The following SYN3 variants were observed in gnomAD, a reference collection of about 807,000 sequenced individuals.
The protein encoded by SYN3 is synapsin-3.
SYN3 carries 35 observed loss-of-function variants against 65.8 expected under a neutral mutation model. The observed-to-expected ratio is 0.53, with a 90% CI of 0.41 to 0.70. SYN3 has a LOEUF of 0.70. Ranked by LOEUF, SYN3 falls within the 30% of genes least tolerant of loss-of-function variation. The pLI, the probability that SYN3 is intolerant of heterozygous loss-of-function variation, is 0.00. For synonymous variants in SYN3, 270 were observed against 292.9 expected, an observed-to-expected ratio of 0.92 and a Z score of 0.80; for missense variants, 680 against 749.0, an observed-to-expected ratio of 0.91 and a Z score of 1.08.
intron 6 of SYN3, among the ~76,000 whole-genome samples, chr22:32,809,742 A>T (rs1569241649): frequency 6.6e-6 from 1 of 152,252 alleles, no homozygotes; most frequent in Non-Finnish European, 1.5e-5. Flanking sequence ...TGGTGTTTTC[A>T]TAAGCCTGGG....
At chr22:32,864,881 C>A in intron 6 of SYN3, 34 bp downstream of exon 6, 1 of 1,571,604 alleles carries the variant, frequency 6.4e-7, no homozygotes, top group South Asian at 1.1e-5. Context: ...CATTCCGCAT[C>A]ATGCAAAGAA....
At chr22:32,626,752 A>G (rs1208399049) in intron 6 of SYN3, among the ~76,000 whole-genome samples, 2 of 152,228 alleles carry the variant, frequency 1.3e-5, no homozygotes, top group Admixed American at 6.5e-5. Context: ...TATGGAGGAC[A>G]CTGGGTGCCC....
chr22:32,865,495 G>A (rs1184495165), intron 5 of SYN3, among the ~76,000 whole-genome samples: 1 of 152,166 alleles, frequency 6.6e-6, no homozygotes, highest in Non-Finnish European at 1.5e-5. Context: ...TTCTTCACTC[G>A]TAAACTGGAG....
At chr22:32,898,907 C>T (rs1601648858) in intron 4 of SYN3, among the ~76,000 whole-genome samples, 1 of 152,272 alleles carries the variant, frequency 6.6e-6, no homozygotes. Context: ...CCGAGACCAT[C>T]CTAGCCAACA....
intron 4 of SYN3, among the ~76,000 whole-genome samples, chr22:32,895,682 G>A (rs1317825076): frequency 2.0e-5 from 3 of 152,122 alleles, no homozygotes; most frequent in Non-Finnish European, 2.9e-5. Context: ...CATTCCTGAC[G>A]CATGCAATTA....
intron 6 of SYN3, among the ~76,000 whole-genome samples, chr22:32,676,659 C>A (rs1278848860): frequency 6.6e-6 from 1 of 150,590 alleles, no homozygotes; most frequent in Admixed American, 6.6e-5. Flanking sequence ...GCCTTAGCCC[C>A]CCGAGTAGCT....
intron 6 of SYN3, among the ~76,000 whole-genome samples, chr22:32,679,048 CTTTTTTTT>C (rs145971116): frequency 1.2e-5 from 1 of 85,658 alleles, no homozygotes; most frequent in African/African-American, 5.0e-5. Context: ...TTGTTTCTTT[CTTTTTTTT>C]TTTTTTTTTT....
intron 6 of SYN3, among the ~76,000 whole-genome samples, chr22:32,642,196 G>T (rs2059910808): frequency 6.6e-6 from 1 of 151,818 alleles, no homozygotes; most frequent in South Asian, 2.1e-4. Context: ...GGCTGAGGCA[G>T]GAGAATCGCT....
chr22:32,604,752 T>C (rs540331249), intron 6 of SYN3, among the ~76,000 whole-genome samples: 8 of 152,286 alleles, frequency 5.3e-5, no homozygotes, highest in African/African-American at 1.7e-4. Context: ...ACGCCTGTAA[T>C]CCCAGCACTT....
At chr22:32,703,378 C>A (rs919329617) in intron 6 of SYN3, among the ~76,000 whole-genome samples, 5 of 152,108 alleles carry the variant, frequency 3.3e-5, no homozygotes, top group African/African-American at 1.2e-4. Flanking sequence ...GTGGCTCATG[C>A]CTGTAATCCC....
At chr22:32,603,356 C>CAAAAAAA (rs10670581) in intron 6 of SYN3, among the ~76,000 whole-genome samples, 40 of 125,964 alleles carry the variant, frequency 3.2e-4, no homozygotes, top group South Asian at 7.6e-4. Flanking sequence ...ACTAAAAATA[C>CAAAAAAA]AAAAAAAAAA....
intron 1 of SYN3, among the ~76,000 whole-genome samples, chr22:33,030,688 CAGAG>C (rs990932437): frequency 6.8e-6 from 1 of 147,664 alleles, no homozygotes; most frequent in African/African-American, 2.5e-5. Flanking sequence ...CAGAGAGAGA[CAGAG>C]AGATCAACAC....
At chr22:32,782,324 TC>T (rs1338190199) in intron 6 of SYN3, among the ~76,000 whole-genome samples, 7 of 152,088 alleles carry the variant, frequency 4.6e-5, no homozygotes, top group Non-Finnish European at 1.0e-4. Flanking sequence ...CACCTTGGCC[TC>T]CCAAAGTCCT....
At chr22:32,709,826 A>G (rs1025974484) in intron 6 of SYN3, among the ~76,000 whole-genome samples, 4 of 151,990 alleles carry the variant, frequency 2.6e-5, no homozygotes, top group Non-Finnish European at 4.4e-5. Context: ...GAAGTTCCCT[A>G]TCAATATCTA....
In SYN3 at chr22:33,016,474, C is replaced by T. The variant is rs1021079656; in HGVS notation, c.-162-9650G>A. ...TTTGATAAAAGGAAATAAATAATGT[C>T]ATTCTATTATTTTATCATAAAGACA... On this transcript the variant is annotated intron_variant, in intron 1 of 13. Transcript: ENST00000358763. Among the ~76,000 whole-genome samples, 11 of 152,262 alleles carry T rather than the reference C, an allele frequency of 7.2e-5. No homozygotes were observed. The East Asian group carries it at 2.1e-3, about 29-fold the overall frequency.
chr22:32,630,182 C>T (rs760144185), intron 6 of SYN3, among the ~76,000 whole-genome samples: 1 of 151,996 alleles, frequency 6.6e-6, no homozygotes, highest in Non-Finnish European at 1.5e-5. Flanking sequence ...CGGGGTTTCA[C>T]CATGTTGGCC....
chr22:32,518,508 C>A (rs1338798366), intron 12 of SYN3, 174 bp from the exon 13 acceptor site: 2 of 790,668 alleles, frequency 2.5e-6, no homozygotes, highest in East Asian at 5.3e-5. Context: ...CATTAAGATA[C>A]ATCTGTATAA....
Position 32,597,204 on chromosome 22 carries a change from CTT to C in SYN3, c.712-470_712-469del, listed in dbSNP as rs6147592. 6.0e-3 allele frequency among the ~76,000 whole-genome samples: 525 copies of C among 87,248 alleles called. 1 individual carries two copies. The highest frequency in any genetic ancestry group is 7.9e-3 in the Non-Finnish European group (361 of 45,708). The allele number at this position is 87,248 out of a possible 152,430, so 57.2% of individuals were successfully genotyped here. On this transcript the variant is annotated intron_variant, in intron 6 of 13. Transcript: ENST00000358763. ...GCATACTCCTGTCTTACATTATTCTCTTTTTTTTTTTTTTTTTTTTTTTTTTT... is the reference window on the plus strand; with the variant it reads ...GCATACTCCTGTCTTACATTATTCTCTTTTTTTTTTTTTTTTTTTTTTTTT...
In SYN3 at chr22:32,864,986, T is replaced by G. The variant is rs1364680369; in HGVS notation, c.640A>C (p.Ile214Leu). 1 of 1,613,958 alleles carries G rather than the reference T, an allele frequency of 6.2e-7. No individual in the cohort carries two copies. Among genetic ancestry groups the G allele is most frequent in the Non-Finnish European group, 8.5e-7 (1 of 1,179,946 alleles). Residue 214 changes from isoleucine (I) to leucine (L), a missense_variant, in exon 6 of 14, where the codon ATC (isoleucine) becomes CTC (leucine). Physicochemically the swap from Ile to Leu is conservative, Grantham distance 5. Transcript: ENST00000358763. ...TTCTCAGGACCCAGGGAATGGAAGATCTTAATGAGCTGAGAGAACTAGGAT... is the reference window on the plus strand; with the variant it reads ...TTCTCAGGACCCAGGGAATGGAAGAGCTTAATGAGCTGAGAGAACTAGGAT... ...KPWVFSQLIKIFHSLGPEKFP... is the reference protein window; with the variant it reads ...KPWVFSQLIKLFHSLGPEKFP...
Sources: gnomAD v4.1 joint callset for allele counts (sites outside exome capture counted in the v4.1 genomes callset) on GRCh38, gnomAD v4.1.1 for gene constraint, MANE v1.5 for transcripts, NCBI Gene and HGNC (gene_info 2026-07-23, HGNC 2026-07-21) for gene names.